The following DPF3 variants were observed in gnomAD, a reference collection of about 807,000 sequenced individuals.
DPF3 encodes double PHD fingers 3, also known as zinc finger protein DPF3.
DPF3 carries 18 observed loss-of-function variants against 56.8 expected under a neutral mutation model. The ratio of observed to expected loss-of-function variants is 0.32; its 90% CI spans 0.22 to 0.47. DPF3 has a LOEUF of 0.47. Among genes scored for constraint, DPF3 ranks in the 20% least tolerant of loss-of-function variants. The pLI, the probability that DPF3 is intolerant of heterozygous loss-of-function variation, is 1.00. For synonymous variants in DPF3, 188 were observed against 180.2 expected, an observed-to-expected ratio of 1.04 and a Z score of -0.35; for missense variants, 403 against 488.8, an observed-to-expected ratio of 0.82 and a Z score of 1.65.
intron 1 of DPF3, among the ~76,000 whole-genome samples, chr14:72,792,505 G>GCA (rs1228510094): frequency 6.6e-6 from 1 of 152,034 alleles, no homozygotes; most frequent in South Asian, 2.1e-4. Context: ...ACACTCTCTT[G>GCA]CACACACACA....
At chr14:72,653,845 C>G (rs868222475) in intron 8 of DPF3, among the ~76,000 whole-genome samples, 1 of 152,260 alleles carries the variant, frequency 6.6e-6, no homozygotes, top group East Asian at 1.9e-4. Flanking sequence ...AATTGACACT[C>G]AGCACTTTGA....
chr14:72,715,024 T>C lies in DPF3; in HGVS notation c.526-523A>G, dbSNP rs1449688278. Among the ~76,000 whole-genome samples the C allele has an allele frequency of 1.3e-5, 2 of 152,156 alleles. 1 individual carries two copies. The highest frequency in any genetic ancestry group is 3.9e-4 in the East Asian group (2 of 5,178). On this transcript the variant is annotated intron_variant, in intron 5 of 10. Coordinates refer to ENST00000556509, the MANE Select transcript of DPF3 (RefSeq NM_001280542.3). ...TAGGCTTCTGTGTCCATCCCCGCAG[T>C]GTCGCAAGAGCCAGACAGTCCTGAC...
intron 1 of DPF3, among the ~76,000 whole-genome samples, chr14:72,859,496 C>G (rs1335942645): frequency 1.6e-5 from 2 of 127,878 alleles, no homozygotes; most frequent in Non-Finnish European, 3.2e-5. Context: ...ACCATTCCCC[C>G]CTAACCTTCT....
intron 1 of DPF3, among the ~76,000 whole-genome samples, chr14:72,804,682 CCA>C (rs1893020070): frequency 6.6e-6 from 1 of 152,098 alleles, no homozygotes; most frequent in Non-Finnish European, 1.5e-5. Context: ...CGAGAAAGTG[CCA>C]CTGCTAGGGT....
In DPF3 at chr14:72,609,827, G is replaced by A. The variant is rs988141118; in HGVS notation, c.*9470C>T. On this transcript the variant is annotated 3_prime_UTR_variant, in exon 11 of 11. Transcript: ENST00000556509. Reference sequence around the variant, plus strand: ...CCATTACACACAGCTTCCCAAATCTGTAGCCCTTTTCTGTAACCTCATGAA... The same window carrying A: ...CCATTACACACAGCTTCCCAAATCTATAGCCCTTTTCTGTAACCTCATGAA... Among the ~76,000 whole-genome samples the A allele has an allele frequency of 1.3e-5, 2 of 152,172 alleles. No individual in the cohort carries two copies. Among genetic ancestry groups the A allele is most frequent in the African/African-American group, 4.8e-5 (2 of 41,432 alleles).
In DPF3 at chr14:72,637,464, C is replaced by A. The variant is rs901206699; in HGVS notation, c.872-7728G>T. Among the ~76,000 whole-genome samples, 7 of 152,174 alleles carry A rather than the reference C, an allele frequency of 4.6e-5. No homozygotes were observed. The East Asian group carries it at 7.7e-4, about 17-fold the overall frequency. Reference sequence around the variant, plus strand: ...AAAATAATTTATTCATTTATTCATTCCTTTGACAGTATTTGTTGAATATAT... The same window carrying A: ...AAAATAATTTATTCATTTATTCATTACTTTGACAGTATTTGTTGAATATAT... On this transcript the variant is annotated intron_variant, in intron 8 of 10. Coordinates refer to ENST00000556509, the MANE Select transcript of DPF3 (RefSeq NM_001280542.3).
At chr14:72,889,330 T>C (rs1026974539) in intron 1 of DPF3, among the ~76,000 whole-genome samples, 30 of 152,178 alleles carry the variant, frequency 2.0e-4, no homozygotes, top group Non-Finnish European at 7.4e-5. Flanking sequence ...ATTTACCCAT[T>C]GAAAAATAAT....
chr14:72,743,289 C>A (rs1341388195), intron 3 of DPF3, among the ~76,000 whole-genome samples: 1 of 152,068 alleles, frequency 6.6e-6, no homozygotes, highest in Non-Finnish European at 1.5e-5. Context: ...AACTGTAAAG[C>A]CCTTTTCATC....
intron 2 of DPF3, among the ~76,000 whole-genome samples, chr14:72,769,070 T>C (rs1318833153): frequency 6.6e-6 from 1 of 151,974 alleles, no homozygotes; most frequent in African/African-American, 2.4e-5. Context: ...GTAAAAACTG[T>C]TTAAATCTAA....
chr14:72,801,943 G>A (rs1226460762), intron 1 of DPF3, among the ~76,000 whole-genome samples: 1 of 152,328 alleles, frequency 6.6e-6, no homozygotes, highest in African/African-American at 2.4e-5. Context: ...TAGATTCTTA[G>A]GGACTTATCC....
intron 7 of DPF3, among the ~76,000 whole-genome samples, chr14:72,676,119 G>A (rs1886896157): frequency 6.6e-6 from 1 of 152,146 alleles, no homozygotes; most frequent in South Asian, 2.1e-4. Flanking sequence ...GATATGGATG[G>A]AAAACTATCA....
chr14:72,640,270 G>A (rs1043383377), intron 8 of DPF3, among the ~76,000 whole-genome samples: 6 of 152,150 alleles, frequency 3.9e-5, no homozygotes, highest in African/African-American at 9.7e-5. Flanking sequence ...TCTGTAAACA[G>A]TGGGGACTCC....
At chr14:72,690,677 G>A (rs1887642821) in intron 7 of DPF3, among the ~76,000 whole-genome samples, 1 of 151,708 alleles carries the variant, frequency 6.6e-6, no homozygotes, top group Non-Finnish European at 1.5e-5. Context: ...CTCATAATGA[G>A]GCTACAGGAG....
chr14:72,707,599 G>T (rs191675651), intron 6 of DPF3, among the ~76,000 whole-genome samples: 1 of 152,300 alleles, frequency 6.6e-6, no homozygotes, highest in East Asian at 1.9e-4. Flanking sequence ...GACACAGAAA[G>T]ATGTTCCTGA....
intron 9 of DPF3, among the ~76,000 whole-genome samples, chr14:72,628,320 T>C (rs771415607): frequency 5.3e-5 from 8 of 152,100 alleles, no homozygotes; most frequent in Non-Finnish European, 1.0e-4. Flanking sequence ...TTATCATAAA[T>C]AGATATTTTA....
chr14:72,884,065 AGTT>A (rs1886422294), intron 1 of DPF3, among the ~76,000 whole-genome samples: 1 of 152,040 alleles, frequency 6.6e-6, no homozygotes, highest in South Asian at 2.1e-4. Context: ...CAGTCATCTC[AGTT>A]GAAGGAGGAG....
chr14:72,754,104 A>G (rs1890691779), intron 2 of DPF3, among the ~76,000 whole-genome samples: 1 of 152,058 alleles, frequency 6.6e-6, no homozygotes, highest in African/African-American at 2.4e-5. Flanking sequence ...TGTCATGCCA[A>G]GCACCATGAG....
intron 1 of DPF3, among the ~76,000 whole-genome samples, chr14:72,775,317 A>C (rs1033713213): frequency 6.7e-6 from 1 of 148,950 alleles, no homozygotes; most frequent in Non-Finnish European, 1.5e-5. Flanking sequence ...AAACCAATAC[A>C]AAAGAAATCT....
chr14:72,731,579 G>A, intron 4 of DPF3: 3 of 545,520 alleles, frequency 5.5e-6, no homozygotes, highest in South Asian at 4.1e-5. Context: ...TGCATAGACA[G>A]ACAGAAGAGA....
Sources: gnomAD v4.1 joint callset for allele counts (sites outside exome capture counted in the v4.1 genomes callset) on GRCh38, gnomAD v4.1.1 for gene constraint, MANE v1.5 for transcripts, NCBI Gene and HGNC (gene_info 2026-07-23, HGNC 2026-07-21) for gene names.